HSD17B4: variants seen among roughly 807,000 people sequenced by gnomAD.
HSD17B4 encodes peroxisomal multifunctional enzyme type 2.
In HSD17B4, 70 loss-of-function variants were observed where a neutral mutation model predicts 101.0. The ratio of observed to expected loss-of-function variants is 0.69; its 90% CI spans 0.57 to 0.85. The LOEUF is 0.85. HSD17B4 is among the 40% of genes least tolerant of loss of function. The probability of loss-of-function intolerance (pLI) is 0.00; values close to 1 mark genes in which losing one functional copy is unlikely to be tolerated. For synonymous variants in HSD17B4, 347 were observed against 297.1 expected (o/e 1.17, Z -1.73); for missense variants, 984 against 892.4 (o/e 1.10, Z -1.31).
chr5:119,533,004 G>A (rs982062814), intron 22 of HSD17B4, among the ~76,000 whole-genome samples: 1 of 152,012 alleles, frequency 6.6e-6, no homozygotes, highest in Non-Finnish European at 1.5e-5. Context: ...ACCATTGGGG[G>A]CCTTTTGTAA....
chr5:119,452,542 C>T lies in HSD17B4; in HGVS notation c.-34C>T, dbSNP rs1306743698. 9 of 1,613,660 alleles carry T rather than the reference C, an allele frequency of 5.6e-6. No homozygotes were observed. Among genetic ancestry groups the T allele is most frequent in the Non-Finnish European group, 7.6e-6 (9 of 1,179,986 alleles). ...CCGCAGTCGGCGTCCAGCGGCTCTG[C>T]TTGTTCGTGTGTGTGTCGTTGCAGG... On this transcript the variant is annotated 5_prime_UTR_variant, in exon 1 of 24. Coordinates refer to ENST00000510025, the MANE Select transcript of HSD17B4 (RefSeq NM_000414.4).
At chr5:119,517,661 C>T (rs1752751064) in intron 17 of HSD17B4, among the ~76,000 whole-genome samples, 1 of 152,224 alleles carries the variant, frequency 6.6e-6, no homozygotes, top group Non-Finnish European at 1.5e-5. Flanking sequence ...GTAAACACAC[C>T]AGTCAGCACC....
intron 7 of HSD17B4, among the ~76,000 whole-genome samples, chr5:119,478,562 T>C (rs1748813941): frequency 6.6e-6 from 1 of 152,158 alleles, no homozygotes; most frequent in East Asian, 1.9e-4. Context: ...AACTTACATG[T>C]TACCAGGTTA....
Position 119,473,930 on chromosome 5 carries a change from C to G in HSD17B4, c.135C>G (p.Phe45Leu). ...LVVVNDLGGDFKGVGKGSLAA... is the reference protein window; with the variant it reads ...LVVVNDLGGDLKGVGKGSLAA... ...CAGTGAATGATTTGGGAGGGGACTT[C>G]AAAGGAGTTGGTAAAGGCTCCTTAG... Residue 45 changes from phenylalanine (F) to leucine (L), a missense_variant, in exon 3 of 24, where the codon TTC (phenylalanine) becomes TTG (leucine). Physicochemically the swap from Phe to Leu is conservative, Grantham distance 22 (BLOSUM62 0). Transcript: ENST00000510025. The G allele has an allele frequency of 6.2e-7, 1 of 1,608,586 alleles. No homozygotes were observed. The highest frequency in any genetic ancestry group is 8.5e-7 in the Non-Finnish European group (1 of 1,175,060).
chr5:119,487,618 C>T (rs1362832045), intron 8 of HSD17B4, among the ~76,000 whole-genome samples: 4 of 151,940 alleles, frequency 2.6e-5, no homozygotes, highest in African/African-American at 7.3e-5. Flanking sequence ...GCAAGGCAGA[C>T]GTATTTTTTT....
At position 119,474,381 on chromosome 5, in the gene HSD17B4, C is replaced by A; in HGVS notation, c.221-20C>A. 6.3e-7 allele frequency: 1 copy of A among 1,575,796 alleles called. No homozygotes were observed. Among genetic ancestry groups the A allele is most frequent in the Non-Finnish European group, 8.7e-7 (1 of 1,145,348 alleles). On this transcript the variant is annotated intron_variant, in intron 3 of 23. Transcript: ENST00000510025. ...GAAGGGAGGTTGCCGAAATTTCATA[C>A]AAATTTTCCTTTCCCTCAGATTCAG... is the stretch of plus-strand genomic sequence containing the variant.
intron 8 of HSD17B4, among the ~76,000 whole-genome samples, chr5:119,486,055 C>T (rs1040697800): frequency 9.9e-5 from 15 of 152,114 alleles, no homozygotes; most frequent in African/African-American, 3.6e-4. Flanking sequence ...GCCAAGAGGC[C>T]TCCGTTCCTT....
rs148533104 is a variant in HSD17B4 at position 119,503,265 on chromosome 5, G to A, written c.1261+1173G>A. On this transcript the variant is annotated intron_variant, in intron 14 of 23. Coordinates refer to ENST00000510025, the MANE Select transcript of HSD17B4 (RefSeq NM_000414.4). ...GAAATGTGCAAGATAGGTTTCTGCC[G>A]TTAGGGATTTTAAAATACGAAAAGA... Among the ~76,000 whole-genome samples, 276 of 152,126 alleles carry A rather than the reference G, an allele frequency of 1.8e-3. 6 individuals are homozygous for A. In the South Asian group the frequency reaches 0.046, roughly 25 times the overall value.
intron 2 of HSD17B4, chr5:119,471,657 C>G: frequency 6.9e-7 from 1 of 1,446,038 alleles, no homozygotes; most frequent in Non-Finnish European, 9.2e-7. Context: ...TATGCAATAA[C>G]CCTATGGAGA....
At chr5:119,526,768 T>C (rs1753638649) in intron 19 of HSD17B4, among the ~76,000 whole-genome samples, 1 of 151,956 alleles carries the variant, frequency 6.6e-6, no homozygotes, top group South Asian at 2.1e-4. Context: ...CCCTGCATAC[T>C]CACCCCAGGC....
intron 17 of HSD17B4, among the ~76,000 whole-genome samples, chr5:119,515,333 G>A (rs1051396545): frequency 1.3e-5 from 2 of 151,986 alleles, no homozygotes; most frequent in African/African-American, 4.8e-5. Context: ...TCTTTGGAGA[G>A]GCCGCCCACT....
intron 12 of HSD17B4, among the ~76,000 whole-genome samples, chr5:119,498,701 C>T (rs1289392636): frequency 6.6e-6 from 1 of 152,116 alleles, no homozygotes; most frequent in Non-Finnish European, 1.5e-5. Flanking sequence ...CATGGTGAAA[C>T]CCTGTCTCTA....
intron 2 of HSD17B4, among the ~76,000 whole-genome samples, chr5:119,465,015 A>G (rs1296833406): frequency 4.0e-5 from 6 of 151,372 alleles, no homozygotes; most frequent in Non-Finnish European, 7.4e-5. Context: ...TGTGAATTTT[A>G]GGATTTTTTT....
intron 12 of HSD17B4, among the ~76,000 whole-genome samples, chr5:119,498,163 C>G (rs1346753337): frequency 6.6e-6 from 1 of 152,090 alleles, no homozygotes; most frequent in African/African-American, 2.4e-5. Context: ...ATATTAGATT[C>G]TGTTGTTTTG....
Position 119,530,078 on chromosome 5 carries a change from C to T in HSD17B4, c.1854+98C>T, listed in dbSNP as rs527380234. The T allele has an allele frequency of 3.9e-6, 3 of 772,434 alleles. No homozygotes were observed. The East Asian group carries it at 7.4e-5, about 19-fold the overall frequency. The allele number at this position is 772,434 out of a possible 1,614,324, so 47.8% of individuals were successfully genotyped here. On this transcript the variant is annotated intron_variant, in intron 21 of 23. Coordinates refer to ENST00000510025, the MANE Select transcript of HSD17B4 (RefSeq NM_000414.4). ...TTAGGCTACGTTAGAAAATTAACAA[C>T]CATGAAACTATTCTTAATTCTTGAA...
At chr5:119,503,492 T>A (rs888836454) in intron 14 of HSD17B4, among the ~76,000 whole-genome samples, 4 of 152,268 alleles carry the variant, frequency 2.6e-5, no homozygotes, top group Non-Finnish European at 5.9e-5. Flanking sequence ...AAATATGAGA[T>A]ATTTGTGGTT....
chr5:119,492,139 G>GT lies in HSD17B4; in HGVS notation c.739+20dup. ...GATTGGAAAATGTAAGTCTCTCTCA[G>GT]TTTTTGGTTTGTATAGATTATTTCC... On this transcript the variant is annotated intron_variant, in intron 10 of 23. Coordinates refer to ENST00000510025, the MANE Select transcript of HSD17B4 (RefSeq NM_000414.4). 1 of 1,599,278 alleles carries GT rather than the reference G, an allele frequency of 6.3e-7. No individual in the cohort carries two copies. Among genetic ancestry groups the GT allele is most frequent in the Non-Finnish European group, 8.6e-7 (1 of 1,166,918 alleles).
At chr5:119,456,009 C>T (rs1754598875) in intron 1 of HSD17B4, among the ~76,000 whole-genome samples, 1 of 152,190 alleles carries the variant, frequency 6.6e-6, no homozygotes, top group South Asian at 2.1e-4. Context: ...CTCTGTCTCA[C>T]TTACACCTTC....
intron 6 of HSD17B4, 50 bp from the exon 7 acceptor site, chr5:119,477,367 C>A: frequency 8.2e-7 from 1 of 1,224,260 alleles, no homozygotes; most frequent in Non-Finnish European, 1.2e-6. Flanking sequence ...GATTCTTAGA[C>A]ATGCCTAAGT....
Sources: allele counts gnomAD v4.1 joint callset (sites outside exome capture counted in the v4.1 genomes callset), GRCh38; gene constraint gnomAD v4.1.1; transcripts MANE v1.5; gene names NCBI Gene and HGNC (gene_info 2026-07-23, HGNC 2026-07-21).